The following PHKB variants were observed in gnomAD, a reference collection of about 807,000 sequenced individuals.
PHKB encodes the protein phosphorylase b kinase regulatory subunit beta.
Under a neutral mutation model 152.1 loss-of-function variants are expected in PHKB, and 122 were observed. The ratio of observed to expected loss-of-function variants is 0.80; its 90% CI spans 0.69 to 0.93. PHKB has a LOEUF of 0.93. Among genes scored for constraint, PHKB ranks in the 40% least tolerant of loss-of-function variants. PHKB has a pLI of 0.00. For missense variants in PHKB, 1,304 were observed against 1,328.4 expected, an observed-to-expected ratio of 0.98 and a Z score of 0.29; for synonymous variants, 436 against 464.9, an observed-to-expected ratio of 0.94 and a Z score of 0.80.
chr16:47,567,819 C>T (rs1474647219), intron 7 of PHKB, among the ~76,000 whole-genome samples: 1 of 152,072 alleles, frequency 6.6e-6, no homozygotes, highest in Non-Finnish European at 1.5e-5. Context: ...GTTTTTTATT[C>T]TGTTTATGTG....
chr16:47,491,968 C>T (rs1233661071), intron 1 of PHKB, among the ~76,000 whole-genome samples: 1 of 152,170 alleles, frequency 6.6e-6, no homozygotes, highest in African/African-American at 2.4e-5. Context: ...TAATACCTGA[C>T]TTTAGCCAGG....
chr16:47,510,456 G>A (rs1205196820), intron 4 of PHKB, among the ~76,000 whole-genome samples: 1 of 152,174 alleles, frequency 6.6e-6, no homozygotes, highest in Non-Finnish European at 1.5e-5. Context: ...GGTTGAAAGG[G>A]ACTTATATGA....
At chr16:47,517,087 G>A (rs1970610558) in intron 6 of PHKB, among the ~76,000 whole-genome samples, 2 of 152,092 alleles carry the variant, frequency 1.3e-5, no homozygotes, top group South Asian at 4.2e-4. Flanking sequence ...TCTGACTGAG[G>A]AGAGGAGGCC....
chr16:47,668,684 T>A (rs1973582315), intron 25 of PHKB, among the ~76,000 whole-genome samples: 1 of 152,078 alleles, frequency 6.6e-6, no homozygotes, highest in South Asian at 2.1e-4. Context: ...ATTTTAACCC[T>A]CACCAGGCAC....
At chr16:47,621,453 T>G (rs1478262621) in intron 14 of PHKB, among the ~76,000 whole-genome samples, 1 of 152,212 alleles carries the variant, frequency 6.6e-6, no homozygotes, top group Non-Finnish European at 1.5e-5. Context: ...GATTTATTAG[T>G]CTTTAAAAAG....
intron 6 of PHKB, among the ~76,000 whole-genome samples, chr16:47,541,609 A>G (rs1385858042): frequency 6.6e-6 from 1 of 152,248 alleles, no homozygotes; most frequent in Middle Eastern, 3.2e-3. Context: ...TTATACTCCC[A>G]TCAACAGTGT....
chr16:47,505,549 T>G (rs1280859250), intron 4 of PHKB: 1 of 152,204 alleles, frequency 6.6e-6, no homozygotes, highest in Non-Finnish European at 1.5e-5. Context: ...TGGTACCGGG[T>G]GAACATACAG....
At chr16:47,565,820 C>T in intron 7 of PHKB, 11 of 1,425,422 alleles carry the variant, frequency 7.7e-6, no homozygotes, top group Non-Finnish European at 1.1e-5. Context: ...TGGGCTTTGT[C>T]CCTCCAAAGA....
chr16:47,604,002 A>G (rs944782846), intron 13 of PHKB, among the ~76,000 whole-genome samples: 1 of 152,236 alleles, frequency 6.6e-6, no homozygotes, highest in Non-Finnish European at 1.5e-5. Context: ...AGGAGTCTAC[A>G]GGGTGCTTGT....
At chr16:47,691,753 C>T (rs1308259051) in intron 27 of PHKB, among the ~76,000 whole-genome samples, 2 of 151,060 alleles carry the variant, frequency 1.3e-5, no homozygotes, top group South Asian at 2.1e-4. Context: ...TATACAGGAA[C>T]TTTATGGTTT....
chr16:47,663,851 C>G (rs1038556063), intron 24 of PHKB, 117 bp downstream of exon 24: 13 of 735,946 alleles, frequency 1.8e-5, no homozygotes, highest in Admixed American at 1.2e-4. Context: ...CTTTTAACCT[C>G]CAAGGTTACA....
At chr16:47,537,864 G>A (rs1021632562) in intron 6 of PHKB, among the ~76,000 whole-genome samples, 3 of 149,546 alleles carry the variant, frequency 2.0e-5, no homozygotes, top group African/African-American at 7.6e-5. Context: ...GTAAACATAC[G>A]TGGAAAATTC....
chr16:47,505,788 T>C (rs947219152), intron 4 of PHKB, among the ~76,000 whole-genome samples: 4 of 152,066 alleles, frequency 2.6e-5, no homozygotes, highest in African/African-American at 9.7e-5. Context: ...ATCACAGCAC[T>C]TTGAGAGGCA....
chr16:47,659,770 TA>T (rs1305109155), intron 20 of PHKB, among the ~76,000 whole-genome samples: 2 of 152,228 alleles, frequency 1.3e-5, no homozygotes, highest in African/African-American at 4.8e-5. Context: ...AGAAATACAT[TA>T]CAGTAGCAGA....
At chr16:47,624,522 A>C (rs1303468421) in intron 14 of PHKB, among the ~76,000 whole-genome samples, 1 of 152,214 alleles carries the variant, frequency 6.6e-6, no homozygotes, top group Non-Finnish European at 1.5e-5. Context: ...ATTGCTTCTA[A>C]TTACAATTGG....
chr16:47,655,498 T>C (rs1445431052), intron 20 of PHKB, among the ~76,000 whole-genome samples: 1 of 152,224 alleles, frequency 6.6e-6, no homozygotes, highest in African/African-American at 2.4e-5. Context: ...AGAGTTTTCA[T>C]TTCATTTGAA....
chr16:47,650,904 C>T lies in PHKB; in HGVS notation c.1954C>T (p.His652Tyr). The T allele has an allele frequency of 6.2e-7, 1 of 1,612,374 alleles. No homozygotes were observed. ...KKGIIGGVKVHVDRLQTLISG... is the reference protein window; with the variant it reads ...KKGIIGGVKVYVDRLQTLISG... ...AGGAATAATTGGAGGAGTCAAAGTT[C>T]ATGTGGATCGTCTACAGGTAGCCTT... is the stretch of plus-strand genomic sequence containing the variant. Residue 652 changes from histidine (H) to tyrosine (Y), a missense_variant, in exon 20 of 31, where the codon CAT becomes TAT. His to Tyr is a moderately conservative substitution (Grantham distance 83). Coordinates refer to ENST00000323584, the MANE Select transcript of PHKB (RefSeq NM_000293.3).
intron 6 of PHKB, among the ~76,000 whole-genome samples, chr16:47,525,825 G>A: frequency 6.6e-6 from 1 of 152,180 alleles, no homozygotes; most frequent in Admixed American, 6.5e-5. Context: ...TGTACCAGAG[G>A]ACAGGTGAAC....
In PHKB at chr16:47,649,056, G is replaced by C. The variant is rs753148980; in HGVS notation, c.1693-44G>C. ...CTTACAGCACTGCACCTTTGCCTTT[G>C]GTATGTTCTTTAGTTATTTGTTTTA... is the stretch of plus-strand genomic sequence containing the variant. On this transcript the variant is annotated intron_variant, in intron 17 of 30. Transcript: ENST00000323584. 3 of 1,049,366 alleles carry C rather than the reference G, an allele frequency of 2.9e-6. No individual in the cohort carries two copies. The Admixed American group carries it at 5.1e-5, about 18-fold the overall frequency. The allele number at this position is 1,049,366 out of a possible 1,614,324, so 65.0% of individuals were successfully genotyped here. A position where few individuals can be genotyped will look rare whatever the true frequency, so the allele number is the denominator to read the frequency against.
Sources: gnomAD v4.1 joint callset for allele counts (sites outside exome capture counted in the v4.1 genomes callset) on GRCh38, gnomAD v4.1.1 for gene constraint, MANE v1.5 for transcripts, NCBI Gene and HGNC (gene_info 2026-07-23, HGNC 2026-07-21) for gene names.